UPB1: variants seen among roughly 807,000 people sequenced by gnomAD.
UPB1 encodes the protein beta-ureidopropionase 1.
A neutral mutation model predicts 49.1 loss-of-function variants in UPB1; 40 were observed. The observed-to-expected ratio is 0.81, with a 90% CI of 0.63 to 1.06. The LOEUF (loss-of-function observed/expected upper bound fraction) is 1.06. UPB1 is among the 50% of genes least tolerant of loss of function. The probability of loss-of-function intolerance (pLI) is 0.00; values close to 1 mark genes in which losing one functional copy is unlikely to be tolerated. For synonymous variants in UPB1, 207 were observed against 198.2 expected, an observed-to-expected ratio of 1.04 and a Z score of -0.38; for missense variants, 499 against 505.9, an observed-to-expected ratio of 0.99 and a Z score of 0.13.
At chr22:24,497,705 T>C (rs1487818085) in intron 1 of UPB1, among the ~76,000 whole-genome samples, 28 of 152,184 alleles carry the variant, frequency 1.8e-4, no homozygotes, top group Non-Finnish European at 1.5e-5. Flanking sequence ...TGTGAGGTTA[T>C]GGCTCATTTG....
intron 1 of UPB1, among the ~76,000 whole-genome samples, chr22:24,496,818 A>G (rs904026626): frequency 2.0e-5 from 3 of 151,906 alleles, no homozygotes; most frequent in African/African-American, 7.3e-5. Flanking sequence ...GACAGGAAAG[A>G]AGCATCAGAT....
At position 24,525,701 on chromosome 22, in the gene UPB1, T is replaced by G; in HGVS notation, c.1072-10T>G. 1 of 1,614,142 alleles carries G rather than the reference T, an allele frequency of 6.2e-7. No homozygotes were observed. The highest frequency in any genetic ancestry group is 8.5e-7 in the Non-Finnish European group (1 of 1,180,012). On this transcript the variant is annotated splice_polypyrimidine_tract_variant and intron_variant, in intron 9 of 9. Coordinates refer to ENST00000326010, the MANE Select transcript of UPB1 (RefSeq NM_016327.3). ...AGAACCTCTAAAGTACATCTGTGTT[T>G]TGCTTTCAGATGACGGGCAGGTATG...
At chr22:24,496,682 C>T (rs2043894582) in intron 1 of UPB1, among the ~76,000 whole-genome samples, 1 of 152,090 alleles carries the variant, frequency 6.6e-6, no homozygotes, top group African/African-American at 2.4e-5. Context: ...TGGAGATGGT[C>T]ATTCCAGGTG....
intron 1 of UPB1, among the ~76,000 whole-genome samples, chr22:24,497,374 C>CT: frequency 6.6e-6 from 1 of 152,286 alleles, no homozygotes; most frequent in East Asian, 1.9e-4. Context: ...GCACATGTCT[C>CT]TTTTGTAACA....
At chr22:24,506,038 T>TTTC (rs1460747770) in intron 3 of UPB1, among the ~76,000 whole-genome samples, 62 of 136,392 alleles carry the variant, frequency 4.5e-4, no homozygotes, top group African/African-American at 1.6e-3. Context: ...TTTTTTTTTT[T>TTTC]CAGACGGAAT....
Position 24,510,613 on chromosome 22 carries a change from G to T in UPB1, c.365-136G>T, listed in dbSNP as rs556338113. The T allele has an allele frequency of 7.5e-5, 69 of 914,912 alleles. 2 individuals carry two copies. The South Asian group carries it at 8.7e-4, about 12-fold the overall frequency. 56.7% of individuals were successfully genotyped at this position (914,912 alleles called of 1,614,324 possible). A position where few individuals can be genotyped will look rare whatever the true frequency, so the allele number is the denominator to read the frequency against. ...AGAGGTAAGGGCTGCCCACAGCCAG[G>T]AACAGGACCCAGAAGCCAGGCCATG... On this transcript the variant is annotated intron_variant, in intron 3 of 9. Transcript: ENST00000326010.
intron 1 of UPB1, among the ~76,000 whole-genome samples, chr22:24,499,387 T>C (rs1430221297): frequency 1.3e-5 from 2 of 152,164 alleles, no homozygotes; most frequent in African/African-American, 2.4e-5. Flanking sequence ...CACCTTCGGG[T>C]GTGCAACAGG....
At chr22:24,513,695 T>A in intron 5 of UPB1, among the ~76,000 whole-genome samples, 1 of 152,340 alleles carries the variant, frequency 6.6e-6, no homozygotes, top group East Asian at 1.9e-4. Flanking sequence ...GGCGGGACTC[T>A]CAGAGGAGTC....
In UPB1 at chr22:24,495,404, A is replaced by ATG; in HGVS notation, c.2_3dup (p.Ala2_?1). On this transcript the variant is annotated frameshift_variant and start_lost, in exon 1 of 10. Transcript: ENST00000326010. LOFTEE classifies it high-confidence loss of function. ...ACACAAGCACTGGCGGACCGTGGCC[A>ATG]TGGCGGGCGCTGAGTGGAAGTCGCT... The ATG allele has an allele frequency of 6.2e-7, 1 of 1,613,154 alleles. No homozygotes were observed. The highest frequency in any genetic ancestry group is 1.1e-5 in the South Asian group (1 of 91,086).
At chr22:24,518,896 A>G (rs1451246778) in intron 6 of UPB1, among the ~76,000 whole-genome samples, 4 of 152,090 alleles carry the variant, frequency 2.6e-5, no homozygotes, top group South Asian at 2.1e-4. Flanking sequence ...GAATATGGCA[A>G]ACGTCCCCAC....
intron 9 of UPB1, among the ~76,000 whole-genome samples, chr22:24,524,885 C>T (rs1568998315): frequency 1.3e-5 from 2 of 152,178 alleles, no homozygotes; most frequent in East Asian, 3.9e-4. Flanking sequence ...GCCTCTAATC[C>T]ACCCAGACAT....
chr22:24,506,531 A>G (rs1209395266), intron 3 of UPB1, among the ~76,000 whole-genome samples: 1 of 152,162 alleles, frequency 6.6e-6, no homozygotes, highest in Non-Finnish European at 1.5e-5. Flanking sequence ...TCCGTGCCTC[A>G]GTGCACCATC....
At chr22:24,503,138 T>TC (rs1404599736) in intron 3 of UPB1, 6 of 152,402 alleles carry the variant, frequency 3.9e-5, no homozygotes, top group African/African-American at 1.4e-4. Flanking sequence ...TTTTCTGTTT[T>TC]CCCTAGAGTT....
chr22:24,525,878 T>G lies in UPB1; in HGVS notation c.*84T>G. ...GTGTGGCAGGCTTAACATGTCCAGGTTCTCCCCAATAACATTGTCCAGGTT... is the reference window on the plus strand; with the variant it reads ...GTGTGGCAGGCTTAACATGTCCAGGGTCTCCCCAATAACATTGTCCAGGTT... On this transcript the variant is annotated 3_prime_UTR_variant, in exon 10 of 10. Transcript: ENST00000326010. 2.0e-6 allele frequency: 3 copies of G among 1,535,880 alleles called. No homozygotes were observed. Among genetic ancestry groups the G allele is most frequent in the Non-Finnish European group, 2.7e-6 (3 of 1,110,500 alleles).
intron 3 of UPB1, among the ~76,000 whole-genome samples, chr22:24,506,017 C>T (rs1324103693): frequency 8.3e-6 from 1 of 119,876 alleles, no homozygotes; most frequent in Non-Finnish European, 1.7e-5. Context: ...CTGGCCCTAA[C>T]TGCATTTTTT....
At position 24,515,251 on chromosome 22, in the gene UPB1, GT is replaced by G. The variant is rs2147029623; in HGVS notation, c.674del (p.Phe225SerfsTer6). 6.2e-7 allele frequency: 1 copy of G among 1,614,204 alleles called. No homozygotes were observed. Among genetic ancestry groups the G allele is most frequent in the Non-Finnish European group, 8.5e-7 (1 of 1,180,044 alleles). Reference protein sequence around the residue: ...NLGHPVFQTQFGRIAVNICYG... With the variant: ...NLGHPVFQTQXGRIAVNICYG... ...TGGGCCACCCCGTGTTCCAGACGCA[GT>G]TCGGAAGGATCGCGGTGAACATTTG... On this transcript the variant is annotated frameshift_variant, in exon 6 of 10. Coordinates refer to ENST00000326010, the MANE Select transcript of UPB1 (RefSeq NM_016327.3). LOFTEE classifies it high-confidence loss of function.
chr22:24,516,135 G>A (rs1201570512), intron 6 of UPB1, among the ~76,000 whole-genome samples: 1 of 152,244 alleles, frequency 6.6e-6, no homozygotes, highest in African/African-American at 2.4e-5. Flanking sequence ...CAGACATCTG[G>A]ACAAGAGAAG....
At chr22:24,517,849 G>A (rs1164653843) in intron 6 of UPB1, among the ~76,000 whole-genome samples, 1 of 152,170 alleles carries the variant, frequency 6.6e-6, no homozygotes, top group African/African-American at 2.4e-5. Flanking sequence ...TCCTAGAACT[G>A]TAGCCTGAAG....
intron 3 of UPB1, among the ~76,000 whole-genome samples, chr22:24,504,723 C>CTTTTTT (rs35606558): frequency 7.7e-4 from 71 of 91,758 alleles, no homozygotes; most frequent in Middle Eastern, 9.1e-3. Context: ...GTATTTCCTC[C>CTTTTTT]TTTTTTTTTT....
Sources: gnomAD v4.1 joint callset for allele counts (sites outside exome capture counted in the v4.1 genomes callset) on GRCh38, gnomAD v4.1.1 for gene constraint, MANE v1.5 for transcripts, NCBI Gene and HGNC (gene_info 2026-07-23, HGNC 2026-07-21) for gene names.